BRINP3: variants seen among roughly 807,000 people sequenced by gnomAD.
BRINP3 encodes BMP/retinoic acid inducible neural specific 3, also known as BMP/retinoic acid-inducible neural-specific protein 3.
Under a neutral mutation model 71.0 loss-of-function variants are expected in BRINP3, and 19 were observed. The ratio of observed to expected loss-of-function variants is 0.27; its 90% confidence interval spans 0.19 to 0.39. The LOEUF (loss-of-function observed/expected upper bound fraction) is 0.39, where lower values mean the gene tolerates loss of function less well. Among genes scored for constraint, BRINP3 ranks in the 10% least tolerant of loss-of-function variants. BRINP3 has a pLI of 1.00. For missense variants in BRINP3, 959 were observed against 940.8 expected, an observed-to-expected ratio of 1.02 and a Z score of -0.25; for synonymous variants, 380 against 337.7, an observed-to-expected ratio of 1.13 and a Z score of -1.37.
chr1:190,101,123 C>G (rs1651664250), intron 7 of BRINP3, among the ~76,000 whole-genome samples: 1 of 152,136 alleles, frequency 6.6e-6, no homozygotes, highest in African/African-American at 2.4e-5. Flanking sequence ...AAACCTGAAC[C>G]AATACATTTC....
At chr1:190,225,973 A>AC (rs1212619597) in intron 6 of BRINP3, 109 bp downstream of exon 6, 31 of 748,484 alleles carry the variant, frequency 4.1e-5, no homozygotes, top group Non-Finnish European at 6.1e-5. Context: ...GAATAAAAAA[A>AC]TGAAAATCTT....
chr1:190,258,798 G>A (rs182654897), intron 4 of BRINP3, among the ~76,000 whole-genome samples: 205 of 152,290 alleles, frequency 1.3e-3, no homozygotes, highest in South Asian at 3.5e-3. Context: ...GATAGAGTTG[G>A]TGAGGACAGT....
chr1:190,160,450 AAAAG>A (rs1211572814), intron 7 of BRINP3, among the ~76,000 whole-genome samples: 5 of 152,084 alleles, frequency 3.3e-5, no homozygotes, highest in Non-Finnish European at 7.4e-5. Flanking sequence ...AGAAAAGAAA[AAAAG>A]AAATAAGTGC....
At chr1:190,352,052 T>C (rs1668422321) in intron 2 of BRINP3, among the ~76,000 whole-genome samples, 1 of 151,894 alleles carries the variant, frequency 6.6e-6, no homozygotes, top group Non-Finnish European at 1.5e-5. Flanking sequence ...ACCAACATAA[T>C]ATACCCAATA....
chr1:190,396,667 T>C (rs1019839344), intron 2 of BRINP3, among the ~76,000 whole-genome samples: 4 of 145,408 alleles, frequency 2.8e-5, no homozygotes, highest in African/African-American at 1.0e-4. Flanking sequence ...CAAACAGAGA[T>C]GCATATGTAT....
intron 6 of BRINP3, among the ~76,000 whole-genome samples, chr1:190,222,483 C>A (rs186653272): frequency 1.3e-5 from 2 of 151,666 alleles, no homozygotes; most frequent in South Asian, 2.1e-4. Flanking sequence ...AACAATGAAC[C>A]TCAACGAACG....
At chr1:190,147,178 T>C (rs1000991495) in intron 7 of BRINP3, among the ~76,000 whole-genome samples, 9 of 152,128 alleles carry the variant, frequency 5.9e-5, no homozygotes, top group African/African-American at 1.9e-4. Context: ...TCCATGTAAA[T>C]ATGCATGCCA....
At chr1:190,229,203 G>T (rs1174718776) in intron 5 of BRINP3, among the ~76,000 whole-genome samples, 2 of 152,128 alleles carry the variant, frequency 1.3e-5, no homozygotes, top group Middle Eastern at 3.4e-3. Flanking sequence ...ACTTTGAACT[G>T]TAATAATCCC....
At chr1:190,106,145 C>T (rs1652143339) in intron 7 of BRINP3, among the ~76,000 whole-genome samples, 1 of 151,836 alleles carries the variant, frequency 6.6e-6, no homozygotes, top group Non-Finnish European at 1.5e-5. Flanking sequence ...CAGGCCTCTC[C>T]TATGTTCTTT....
rs182117996 is a variant in BRINP3 at position 190,131,004 on chromosome 1, C to T, written c.1184+29664G>A. On this transcript the variant is annotated intron_variant, in intron 7 of 7. Coordinates refer to ENST00000367462, the MANE Select transcript of BRINP3 (RefSeq NM_199051.3). ...GCCCTATCACCTTGGGTTCTTTTAACGTGGAAAAGCAAATCCATATTGTGT... is the reference window on the plus strand; with the variant it reads ...GCCCTATCACCTTGGGTTCTTTTAATGTGGAAAAGCAAATCCATATTGTGT... 1.8e-3 allele frequency among the ~76,000 whole-genome samples: 277 copies of T among 151,894 alleles called. 1 individual carries two copies. The highest frequency in any genetic ancestry group is 1.7e-3 in the Admixed American group (26 of 15,202).
intron 6 of BRINP3, among the ~76,000 whole-genome samples, chr1:190,162,735 T>C (rs1381003993): frequency 1.3e-5 from 2 of 152,194 alleles, no homozygotes; most frequent in Admixed American, 6.6e-5. Context: ...TTATTGAAGA[T>C]AAGGAGTATC....
At chr1:190,409,709 C>T (rs189263658) in intron 2 of BRINP3, among the ~76,000 whole-genome samples, 177 of 152,218 alleles carry the variant, frequency 1.2e-3, no homozygotes, top group African/African-American at 3.3e-3. Flanking sequence ...TTATTGGGCA[C>T]CTGTTGCTTT....
At chr1:190,180,256 G>A (rs1489497973) in intron 6 of BRINP3, among the ~76,000 whole-genome samples, 1 of 152,082 alleles carries the variant, frequency 6.6e-6, no homozygotes, top group African/African-American at 2.4e-5. Context: ...ATAACCCCAT[G>A]TGTCTCACAT....
intron 7 of BRINP3, among the ~76,000 whole-genome samples, chr1:190,125,706 A>C (rs1300430259): frequency 6.6e-6 from 1 of 151,984 alleles, no homozygotes; most frequent in African/African-American, 2.4e-5. Context: ...CATAGCAATA[A>C]ACTTTTTAGC....
intron 2 of BRINP3, among the ~76,000 whole-genome samples, chr1:190,422,450 C>G (rs1673447044): frequency 6.6e-6 from 1 of 151,748 alleles, no homozygotes; most frequent in East Asian, 1.9e-4. Flanking sequence ...CTTTCAGAAA[C>G]CATCAAAGCA....
intron 7 of BRINP3, among the ~76,000 whole-genome samples, chr1:190,160,357 C>T (rs1364027874): frequency 1.3e-5 from 2 of 151,840 alleles, no homozygotes; most frequent in East Asian, 3.9e-4. Context: ...AACCATAGGG[C>T]TTTGTGCTTT....
intron 2 of BRINP3, among the ~76,000 whole-genome samples, chr1:190,329,936 G>T (rs1448230065): frequency 6.6e-6 from 1 of 151,880 alleles, no homozygotes; most frequent in Non-Finnish European, 1.5e-5. Context: ...CTAGCCATCT[G>T]CAGAAGAATG....
intron 2 of BRINP3, among the ~76,000 whole-genome samples, chr1:190,454,063 C>T (rs1675826469): frequency 6.6e-6 from 1 of 152,150 alleles, no homozygotes; most frequent in Admixed American, 6.5e-5. Context: ...TTTTGTGTAA[C>T]TTATTTAGAT....
rs557469171 is a variant in BRINP3, at chr1:190,205,039, A to T, written c.961+21043T>A. ...GACGATGTATGTAACTTCTGAGCAGAATCTTCACAAGCCAGTATGCAGTTG... is the reference window on the plus strand; with the variant it reads ...GACGATGTATGTAACTTCTGAGCAGTATCTTCACAAGCCAGTATGCAGTTG... On this transcript the variant is annotated intron_variant, in intron 6 of 7. Transcript: ENST00000367462. 2.0e-5 allele frequency among the ~76,000 whole-genome samples: 3 copies of T among 151,962 alleles called. No homozygotes were observed. In the South Asian group the frequency reaches 6.2e-4, roughly 32 times the overall value.
Sources: gnomAD v4.1 joint callset for allele counts (sites outside exome capture counted in the v4.1 genomes callset) on GRCh38, gnomAD v4.1.1 for gene constraint, MANE v1.5 for transcripts, NCBI Gene and HGNC (gene_info 2026-07-23, HGNC 2026-07-21) for gene names.